Variants in PAPPA observed in about 807,000 individuals in gnomAD.
PAPPA encodes pappalysin 1.
PAPPA carries 60 observed loss-of-function variants against 164.0 expected under a neutral mutation model. The ratio of observed to expected loss-of-function variants is 0.37; its 90% CI spans 0.30 to 0.45. The LOEUF is 0.45. Among genes scored for constraint, PAPPA ranks in the 20% least tolerant of loss-of-function variants. The pLI is 1.00. For missense variants in PAPPA, 1,782 were observed against 2,087.3 expected (o/e 0.85, Z 2.85); for synonymous variants, 875 against 814.1 (o/e 1.07, Z -1.27).
chr9:116,364,261 C>A lies in PAPPA; in HGVS notation c.4495+1522C>A, dbSNP rs150383213. ...ATATGCAAGTGAATATTCATTCATA[C>A]TCTTAACTGGCATTGAGTGGCTCTG... On this transcript the variant is annotated intron_variant, in intron 18 of 21. Transcript: ENST00000328252. 6.2e-3 allele frequency among the ~76,000 whole-genome samples: 940 copies of A among 152,324 alleles called. 11 individuals are homozygous for A. The highest frequency in any genetic ancestry group is 0.02 in the African/African-American group (847 of 41,570).
intron 1 of PAPPA, among the ~76,000 whole-genome samples, chr9:116,155,069 C>A (rs889753801): frequency 6.6e-6 from 1 of 152,212 alleles, no homozygotes; most frequent in African/African-American, 2.4e-5. Flanking sequence ...GTTGTAATGG[C>A]CAGGACTTAG....
chr9:116,295,565 A>G (rs796339102), intron 9 of PAPPA, among the ~76,000 whole-genome samples: 31 of 151,550 alleles, frequency 2.0e-4, no homozygotes, highest in African/African-American at 7.0e-4. Flanking sequence ...AAAAAAAAAA[A>G]AAAAAGAAAA....
At chr9:116,316,824 C>G (rs74614287) in intron 10 of PAPPA, among the ~76,000 whole-genome samples, 1 of 152,128 alleles carries the variant, frequency 6.6e-6, no homozygotes, top group Non-Finnish European at 1.5e-5. Flanking sequence ...AAATCAAGCT[C>G]GAGGCAACCT....
intron 19 of PAPPA, chr9:116,373,301 G>A (rs1405326232): frequency 1.3e-5 from 2 of 152,034 alleles, no homozygotes; most frequent in Non-Finnish European, 2.9e-5. Context: ...CATCGACTAT[G>A]CACCTCCAAG....
At chr9:116,292,615 T>C (rs1165905926) in intron 9 of PAPPA, among the ~76,000 whole-genome samples, 1 of 152,136 alleles carries the variant, frequency 6.6e-6, no homozygotes, top group Non-Finnish European at 1.5e-5. Flanking sequence ...ATTTTTGTTT[T>C]AGATATGTTT....
chr9:116,206,806 T>A (rs1222321031), intron 2 of PAPPA, among the ~76,000 whole-genome samples: 2 of 152,054 alleles, frequency 1.3e-5, no homozygotes, highest in African/African-American at 4.8e-5. Flanking sequence ...AGAACAGACT[T>A]TGGATTTGTT....
chr9:116,204,238 G>C (rs532242328), intron 2 of PAPPA, among the ~76,000 whole-genome samples: 1 of 152,128 alleles, frequency 6.6e-6, no homozygotes, highest in Non-Finnish European at 1.5e-5. Context: ...AAGCTTCTAC[G>C]CAGATTAAGC....
chr9:116,193,908 A>T (rs1413989652), intron 2 of PAPPA, among the ~76,000 whole-genome samples: 1 of 152,212 alleles, frequency 6.6e-6, no homozygotes, highest in Non-Finnish European at 1.5e-5. Flanking sequence ...GGTTTGGAGA[A>T]GTTAGGAAAG....
chr9:116,275,496 A>T (rs1845185829), intron 9 of PAPPA, among the ~76,000 whole-genome samples: 1 of 152,178 alleles, frequency 6.6e-6, no homozygotes, highest in South Asian at 2.1e-4. Flanking sequence ...CACACAGCAC[A>T]CAGAGGTATG....
chr9:116,382,051 T>C (rs539332166), intron 20 of PAPPA, among the ~76,000 whole-genome samples: 1 of 152,314 alleles, frequency 6.6e-6, no homozygotes, highest in African/African-American at 2.4e-5. Flanking sequence ...CATTTCCTGG[T>C]CATTTCTTTG....
chr9:116,289,266 T>TGGC (rs1845395949), intron 9 of PAPPA, among the ~76,000 whole-genome samples: 1 of 119,104 alleles, frequency 8.4e-6, no homozygotes. Flanking sequence ...AGCATATATA[T>TGGC]ATAGCATATA....
intron 6 of PAPPA, 134 bp downstream of exon 6, chr9:116,227,686 G>A (rs1844531693): frequency 2.1e-6 from 2 of 952,184 alleles, no homozygotes; most frequent in East Asian, 2.7e-5. Context: ...ATCCTGCAAG[G>A]TTAGTAGTCA....
intron 7 of PAPPA, among the ~76,000 whole-genome samples, chr9:116,239,949 T>C (rs1242624405): frequency 6.6e-6 from 1 of 152,186 alleles, no homozygotes; most frequent in East Asian, 1.9e-4. Flanking sequence ...CAGACAGTTC[T>C]TTATGCTTCT....
intron 7 of PAPPA, among the ~76,000 whole-genome samples, chr9:116,254,578 C>G (rs184167875): frequency 6.6e-6 from 1 of 151,980 alleles, no homozygotes; most frequent in Admixed American, 6.6e-5. Flanking sequence ...GTCAGGAGAT[C>G]GAGACCATCC....
chr9:116,370,473 T>C (rs1347876557), intron 19 of PAPPA, among the ~76,000 whole-genome samples: 1 of 152,214 alleles, frequency 6.6e-6, no homozygotes, highest in African/African-American at 2.4e-5. Context: ...CATTTAGTGA[T>C]GGCTTACCAG....
At chr9:116,350,179 T>C (rs2118987482) in intron 15 of PAPPA, among the ~76,000 whole-genome samples, 1 of 152,298 alleles carries the variant, frequency 6.6e-6, no homozygotes, top group Admixed American at 6.5e-5. Flanking sequence ...ATGACCAGTA[T>C]AATAAGCATC....
rs1175697101 is a variant in PAPPA at position 116,176,289 on chromosome 9, G to C, written c.416-10865G>C. 8.5e-5 allele frequency among the ~76,000 whole-genome samples: 13 copies of C among 152,282 alleles called. No individual in the cohort carries two copies. The South Asian group carries it at 2.3e-3, about 27-fold the overall frequency. On this transcript the variant is annotated intron_variant, in intron 1 of 21. Transcript: ENST00000328252. ...AAATTGTTGTTGGTCTTTATTCTGA[G>C]AGCATCAGAGAAAGAGGTTTGTCTG...
chr9:116,195,294 A>G (rs1844090267), intron 2 of PAPPA, among the ~76,000 whole-genome samples: 1 of 152,202 alleles, frequency 6.6e-6, no homozygotes, highest in Non-Finnish European at 1.5e-5. Context: ...CATCTGTGAG[A>G]CTTGCACACA....
Position 116,367,707 on chromosome 9 carries a change from G to A in PAPPA, c.4558G>A (p.Val1520Met), listed in dbSNP as rs770571982. 5 of 1,613,912 alleles carry A rather than the reference G, an allele frequency of 3.1e-6. No individual in the cohort carries two copies. Among genetic ancestry groups the A allele is most frequent in the Admixed American group, 3.3e-5 (2 of 59,998 alleles). The change falls in exon 19 of 22, where the codon GTG becomes ATG. Residue 1520 changes from valine to methionine, a missense_variant. Physicochemically the swap from Val to Met is conservative, Grantham distance 21. Coordinates refer to ENST00000328252, the MANE Select transcript of PAPPA (RefSeq NM_002581.5). ...NSESIILPMN[V>M]TVRDIPHWLN... ...CGAGTCCATCATCCTGCCAATGAAC[G>A]TGACCGTGCGTGACATCCCCCACTG...
Sources: allele counts gnomAD v4.1 joint callset (sites outside exome capture counted in the v4.1 genomes callset), GRCh38; gene constraint gnomAD v4.1.1; transcripts MANE v1.5; gene names NCBI Gene and HGNC (gene_info 2026-07-23, HGNC 2026-07-21).